CAMKMT: variants seen among roughly 807,000 people sequenced by gnomAD.
The protein encoded by CAMKMT is CaM KMT.
In CAMKMT, 53 loss-of-function variants were observed where a neutral mutation model predicts 48.0. The ratio of observed to expected loss-of-function variants is 1.10; its 90% CI spans 0.89 to 1.39. The LOEUF is 1.39. CAMKMT is among the 40% of genes most tolerant of loss of function. CAMKMT has a pLI of 0.00. For synonymous variants in CAMKMT, 165 were observed against 152.3 expected (o/e 1.08, Z -0.61); for missense variants, 428 against 402.7 (o/e 1.06, Z -0.54).
At chr2:44,763,125 C>A (rs1170228561) in intron 9 of CAMKMT, among the ~76,000 whole-genome samples, 1 of 152,132 alleles carries the variant, frequency 6.6e-6, no homozygotes, top group East Asian at 1.9e-4. Context: ...GATGCTGGCA[C>A]TCAGTAGGGC....
At chr2:44,451,645 C>G (rs1388742301) in intron 3 of CAMKMT, among the ~76,000 whole-genome samples, 1 of 151,822 alleles carries the variant, frequency 6.6e-6, no homozygotes, top group African/African-American at 2.4e-5. Context: ...AAGAGTTATC[C>G]TCTTTTTGCT....
chr2:44,453,394 CA>C (rs888966606), intron 3 of CAMKMT, among the ~76,000 whole-genome samples: 5 of 151,948 alleles, frequency 3.3e-5, no homozygotes, highest in African/African-American at 1.2e-4. Flanking sequence ...AAAATTAGCC[CA>C]GGGGTCTTGT....
chr2:44,380,355 A>T (rs893713735), intron 2 of CAMKMT, among the ~76,000 whole-genome samples: 11 of 152,132 alleles, frequency 7.2e-5, no homozygotes, highest in Non-Finnish European at 1.5e-4. Flanking sequence ...ATGTTGGCAA[A>T]AAATCGTAGT....
chr2:44,754,019 A>T (rs1180047383), intron 8 of CAMKMT, 36 bp from the exon 9 acceptor site: 1 of 1,558,636 alleles, frequency 6.4e-7, no homozygotes. Context: ...TTGAAAACCC[A>T]GTTTAATCTG....
At chr2:44,580,769 G>A (rs913558815) in intron 3 of CAMKMT, among the ~76,000 whole-genome samples, 1 of 152,048 alleles carries the variant, frequency 6.6e-6, no homozygotes, top group South Asian at 2.1e-4. Flanking sequence ...ACATTTACAC[G>A]GCTTCAGAAT....
intron 3 of CAMKMT, among the ~76,000 whole-genome samples, chr2:44,622,262 C>G (rs549487678): frequency 1.3e-5 from 2 of 152,218 alleles, no homozygotes; most frequent in South Asian, 4.1e-4. Flanking sequence ...GTCTTTTTAG[C>G]TTTTAAAAAA....
chr2:44,367,795 T>C (rs1340301805), intron 1 of CAMKMT, among the ~76,000 whole-genome samples: 2 of 152,248 alleles, frequency 1.3e-5, no homozygotes, highest in Non-Finnish European at 2.9e-5. Context: ...TCTAGAAATG[T>C]ATCTATCAAA....
intron 3 of CAMKMT, among the ~76,000 whole-genome samples, chr2:44,679,791 A>G (rs1675916167): frequency 6.6e-6 from 1 of 152,216 alleles, no homozygotes; most frequent in African/African-American, 2.4e-5. Flanking sequence ...TCATGGCAGA[A>G]TGCAAGCCAC....
intron 3 of CAMKMT, among the ~76,000 whole-genome samples, chr2:44,404,223 T>C (rs1682623389): frequency 6.6e-6 from 1 of 152,150 alleles, no homozygotes; most frequent in Non-Finnish European, 1.5e-5. Flanking sequence ...TAAATTAGGA[T>C]ATGATTATTT....
rs143595911 is a variant in CAMKMT at position 44,362,425 on chromosome 2, G to A, written c.138+280G>A. ...CTTCTAGACATTTTTGTGCGTCTGG[G>A]GGACTTTTCCCCTTCTCGCCAGTCT... On this transcript the variant is annotated intron_variant, in intron 1 of 10. Coordinates refer to ENST00000378494, the MANE Select transcript of CAMKMT (RefSeq NM_024766.5). Among the ~76,000 whole-genome samples the A allele has an allele frequency of 5.7e-3, 866 of 152,228 alleles. 7 individuals carry two copies. The highest frequency in any genetic ancestry group is 6.9e-3 in the Non-Finnish European group (468 of 68,000).
chr2:44,492,262 A>G (rs1323558915), intron 3 of CAMKMT, among the ~76,000 whole-genome samples: 1 of 152,168 alleles, frequency 6.6e-6, no homozygotes, highest in East Asian at 1.9e-4. Flanking sequence ...GAAGCAGATC[A>G]TATTTGAAAA....
At chr2:44,765,340 A>G (rs1680792877) in intron 9 of CAMKMT, among the ~76,000 whole-genome samples, 1 of 152,136 alleles carries the variant, frequency 6.6e-6, no homozygotes, top group Non-Finnish European at 1.5e-5. Context: ...GGATATTCAT[A>G]TGAATGCCTA....
intron 3 of CAMKMT, among the ~76,000 whole-genome samples, chr2:44,508,299 A>G (rs698833): frequency 0.72 from 108,802 of 151,992 alleles, 39,096 homozygotes; most frequent in Admixed American, 0.78. Context: ...CATTGGTGGG[A>G]AATAGCAGAG....
chr2:44,405,271 A>G (rs1682703351), intron 3 of CAMKMT, among the ~76,000 whole-genome samples: 1 of 152,122 alleles, frequency 6.6e-6, no homozygotes, highest in Admixed American at 6.5e-5. Context: ...CTGGAAAGGA[A>G]CATAACTTGA....
chr2:44,500,661 C>T lies in CAMKMT; in HGVS notation c.376+110356C>T, dbSNP rs189961452. On this transcript the variant is annotated intron_variant, in intron 3 of 10. Transcript: ENST00000378494. ...AGTTGACTCAATTTTCCAACATTTC[C>T]AGCATTTTGCCCTTTTCTCAGATAC... is the stretch of plus-strand genomic sequence containing the variant. 3.3e-5 allele frequency among the ~76,000 whole-genome samples: 5 copies of T among 150,486 alleles called. No individual in the cohort carries two copies. In the East Asian group the frequency reaches 9.7e-4, roughly 29 times the overall value.
intron 3 of CAMKMT, among the ~76,000 whole-genome samples, chr2:44,544,794 GC>G (rs1667307309): frequency 6.6e-6 from 1 of 152,022 alleles, no homozygotes; most frequent in Non-Finnish European, 1.5e-5. Context: ...AATATTTTTT[GC>G]CTTTTCTTAT....
At chr2:44,377,613 G>T (rs191989662) in intron 2 of CAMKMT, among the ~76,000 whole-genome samples, 1 of 152,076 alleles carries the variant, frequency 6.6e-6, no homozygotes, top group African/African-American at 2.4e-5. Flanking sequence ...ATTTATAAGT[G>T]TATACGTGTC....
rs190332887 is a variant in CAMKMT, at chr2:44,456,633, G to A, written c.376+66328G>A. ...GTAACTCTTCCTTTTTTGTTTAAAT[G>A]GTAAATATGCCTGGGGAGATGGGAC... On this transcript the variant is annotated intron_variant, in intron 3 of 10. Coordinates refer to ENST00000378494, the MANE Select transcript of CAMKMT (RefSeq NM_024766.5). 530 of 1,546,480 alleles carry A rather than the reference G, an allele frequency of 3.4e-4. 2 individuals are homozygous for A. In the African/African-American group the frequency reaches 6.6e-3, roughly 19 times the overall value.
At position 44,551,244 on chromosome 2, in the gene CAMKMT, G is replaced by A. The variant is rs948595537; in HGVS notation, c.377-153039G>A. Among the ~76,000 whole-genome samples the A allele has an allele frequency of 3.9e-5, 6 of 152,264 alleles. No individual in the cohort carries two copies. The East Asian group carries it at 7.7e-4, about 20-fold the overall frequency. On this transcript the variant is annotated intron_variant, in intron 3 of 10. Coordinates refer to ENST00000378494, the MANE Select transcript of CAMKMT (RefSeq NM_024766.5). Reference sequence around the variant, plus strand: ...GGCTTTACACAGTGTCATGCAGTGCGTGGGCATGCCTTCTATGTCACATTA... The same window carrying A: ...GGCTTTACACAGTGTCATGCAGTGCATGGGCATGCCTTCTATGTCACATTA...
Sources: allele counts gnomAD v4.1 joint callset (sites outside exome capture counted in the v4.1 genomes callset), GRCh38; gene constraint gnomAD v4.1.1; transcripts MANE v1.5; gene names NCBI Gene and HGNC (gene_info 2026-07-23, HGNC 2026-07-21).